Variants in SP140 observed in about 807,000 individuals in gnomAD.
SP140 encodes the protein nuclear body protein SP140.
A neutral mutation model predicts 125.0 loss-of-function variants in SP140; 81 were observed. The ratio of observed to expected loss-of-function variants is 0.65; its 90% confidence interval spans 0.54 to 0.78. The LOEUF (loss-of-function observed/expected upper bound fraction) is 0.78. Among genes scored for constraint, SP140 ranks in the 30% least tolerant of loss-of-function variants. The pLI, the probability that SP140 is intolerant of heterozygous loss-of-function variation, is 0.00. For missense variants in SP140, 858 were observed against 1,037.0 expected (o/e 0.83, Z 2.37); for synonymous variants, 312 against 354.0 (o/e 0.88, Z 1.33).
the SP140 span, among the ~76,000 whole-genome samples, chr2:230,189,495 A>T: frequency 6.6e-6 from 1 of 152,192 alleles, no homozygotes; most frequent in African/African-American, 2.4e-5. Flanking sequence ...TATGGTTTTG[A>T]AAGTTCCTTT....
intron 12 of SP140, among the ~76,000 whole-genome samples, chr2:230,260,400 T>C (rs181646285): frequency 3.9e-5 from 6 of 152,376 alleles, no homozygotes; most frequent in African/African-American, 1.4e-4. Context: ...GTTGTCTGTT[T>C]ACTCTGCTGA....
At chr2:230,238,484 C>A in intron 3 of SP140, 103 bp downstream of exon 3, 2 of 1,121,438 alleles carry the variant, frequency 1.8e-6, no homozygotes, top group Non-Finnish European at 2.6e-6. Context: ...GACTGAGTGA[C>A]TATTACATGC....
At chr2:230,250,099 A>G (rs1389675867) in intron 9 of SP140, among the ~76,000 whole-genome samples, 1 of 152,188 alleles carries the variant, frequency 6.6e-6, no homozygotes, top group African/African-American at 2.4e-5. Context: ...CTCCGAACCT[A>G]GAAACTCCCC....
chr2:230,315,493 C>T (rs912889761), downstream of SP140, among the ~76,000 whole-genome samples: 3 of 152,114 alleles, frequency 2.0e-5, no homozygotes, highest in Non-Finnish European at 4.4e-5. Flanking sequence ...CCCTCTGGAT[C>T]CACAGAGCCA....
At chr2:230,215,236 AT>A (rs1162919000) in intron 3 of SP140, 4 of 797,368 alleles carry the variant, frequency 5.0e-6, no homozygotes, top group Non-Finnish European at 8.3e-6. Flanking sequence ...GAAATTCAAC[AT>A]AAAATATATA....
chr2:230,297,970 G>A (rs1480157087), intron 22 of SP140, among the ~76,000 whole-genome samples: 3 of 152,220 alleles, frequency 2.0e-5, no homozygotes, highest in Non-Finnish European at 4.4e-5. Flanking sequence ...CCTGTCATTA[G>A]CCCTGTAAAG....
chr2:230,292,853 T>A lies in SP140; in HGVS notation c.1968+65T>A, dbSNP rs536889613. On this transcript the variant is annotated intron_variant, in intron 20 of 26. Coordinates refer to ENST00000392045, the MANE Select transcript of SP140 (RefSeq NM_007237.5). ...GTTCCCTAATAATGAGGAGACTGTTTATTCACCAAATATTTGTTAGGTTAT... is the reference window on the plus strand; with the variant it reads ...GTTCCCTAATAATGAGGAGACTGTTAATTCACCAAATATTTGTTAGGTTAT... The A allele has an allele frequency of 3.1e-4, 497 of 1,603,686 alleles. 9 individuals are homozygous for A. The South Asian group carries it at 5.3e-3, about 17-fold the overall frequency.
chr2:230,309,685 A>G (rs2059152142), intron 22 of SP140, among the ~76,000 whole-genome samples: 1 of 152,174 alleles, frequency 6.6e-6, no homozygotes, highest in South Asian at 2.1e-4. Context: ...CTTCATTACA[A>G]TCTCTGGTTT....
At chr2:230,199,906 G>A (rs1395902724), upstream of SP140, among the ~76,000 whole-genome samples, 1 of 152,120 alleles carries the variant, frequency 6.6e-6, no homozygotes, top group Non-Finnish European at 1.5e-5. Flanking sequence ...AGTTCCTGGG[G>A]ACCAGGTTGT....
At chr2:230,283,672 G>A (rs2055947430) in intron 15 of SP140, among the ~76,000 whole-genome samples, 1 of 152,194 alleles carries the variant, frequency 6.6e-6, no homozygotes, top group Non-Finnish European at 1.5e-5. Flanking sequence ...GACAGGAGGA[G>A]ATGAGGGACA....
intron 4 of SP140, among the ~76,000 whole-genome samples, chr2:230,243,304 C>G (rs188261690): frequency 2.2e-3 from 335 of 152,170 alleles, no homozygotes; most frequent in Non-Finnish European, 3.3e-3. Flanking sequence ...TTAGAGAAAG[C>G]TAGAAAGGCA....
At position 230,213,156 on chromosome 2, in the gene SP140, G is replaced by C. The variant is rs959427901; in HGVS notation, c.-322-498G>C. The C allele has an allele frequency of 3.5e-6, 3 of 858,078 alleles. No homozygotes were observed. In the African/African-American group the frequency reaches 5.0e-5, roughly 14 times the overall value. 53.2% of individuals were successfully genotyped at this position (858,078 alleles called of 1,614,324 possible). On this transcript the variant is annotated intron_variant, in intron 1 of 4. Coordinates refer to the SP140 transcript ENST00000456542. The stretch of plus-strand genomic sequence containing the variant: ...CTATTCATTGTCCCCCAGGTGCAGA[G>C]AACTGATTCATTGTCATCATTATCC...
upstream of SP140, among the ~76,000 whole-genome samples, chr2:230,221,539 G>T (rs1440300795): frequency 6.6e-6 from 1 of 152,190 alleles, no homozygotes; most frequent in Non-Finnish European, 1.5e-5. Context: ...ATGGCTGTGG[G>T]TGAAACAGAG....
intron 12 of SP140, among the ~76,000 whole-genome samples, chr2:230,268,056 G>A (rs963877489): frequency 6.6e-6 from 1 of 152,116 alleles, no homozygotes; most frequent in Non-Finnish European, 1.5e-5. Flanking sequence ...CATTCAGAAA[G>A]CACAGGAAAA....
intron 24 of SP140, 106 bp from the exon 25 acceptor site, chr2:230,311,048 G>A (rs66642167): frequency 0.4 from 632,525 of 1,570,680 alleles, 128,849 homozygotes; most frequent in African/African-American, 0.49. Flanking sequence ...AGCCACACAT[G>A]TTAGAGAAAC....
chr2:230,241,345 C>T (rs1331961414), intron 3 of SP140, 59 bp from the exon 4 acceptor site: 11 of 1,049,388 alleles, frequency 1.0e-5, no homozygotes, highest in Non-Finnish European at 1.5e-5. Flanking sequence ...CTTGAGCACA[C>T]TGAGGTCTCT....
chr2:230,234,805 T>C (rs1026766819), intron 1 of SP140: 7 of 152,252 alleles, frequency 4.6e-5, no homozygotes, highest in Admixed American at 3.3e-4. Flanking sequence ...GAATTTTTGG[T>C]ACAATATATT....
Position 230,292,632 on chromosome 2 carries a change from C to G in SP140, c.1826-14C>G. ...AAAAAGAGGGCTCAGGATCAAGTTA[C>G]CCTGGTCTTACAGGAATCTTGGTGA... On this transcript the variant is annotated splice_polypyrimidine_tract_variant and intron_variant, in intron 19 of 26. Transcript: ENST00000392045. 1 of 1,614,060 alleles carries G rather than the reference C, an allele frequency of 6.2e-7. No homozygotes were observed. The highest frequency in any genetic ancestry group is 1.6e-4 in the Middle Eastern group (1 of 6,062).
At chr2:230,303,271 T>C (rs563820628) in intron 22 of SP140, among the ~76,000 whole-genome samples, 89 of 152,242 alleles carry the variant, frequency 5.8e-4, no homozygotes, top group African/African-American at 2.1e-3. Flanking sequence ...TTAAGTCTAC[T>C]ATGAACACCT....
Sources: gnomAD v4.1 joint callset for allele counts (sites outside exome capture counted in the v4.1 genomes callset) on GRCh38, gnomAD v4.1.1 for gene constraint, MANE v1.5 for transcripts, NCBI Gene and HGNC (gene_info 2026-07-23, HGNC 2026-07-21) for gene names.